Variants in PLEKHG4B observed in about 807,000 individuals in gnomAD.
PLEKHG4B encodes pleckstrin homology domain-containing family G member 4B.
A neutral mutation model predicts 121.3 loss-of-function variants in PLEKHG4B; 111 were observed. The ratio of observed to expected loss-of-function variants is 0.92; its 90% confidence interval spans 0.78 to 1.07. PLEKHG4B has a LOEUF of 1.07. Among genes scored for constraint, PLEKHG4B ranks in the 50% least tolerant of loss-of-function variants. The pLI is 0.00. For missense variants in PLEKHG4B, 1,831 were observed against 1,757.8 expected (o/e 1.04, Z -0.74); for synonymous variants, 738 against 725.0 (o/e 1.02, Z -0.29).
At chr5:143,319 C>G in intron 4 of PLEKHG4B, 61 bp from the exon 5 acceptor site, 1 of 1,607,316 alleles carries the variant, frequency 6.2e-7, no homozygotes, top group African/African-American at 1.3e-5. Context: ...ACAGCACAGA[C>G]CCAGCTCACC....
In PLEKHG4B at chr5:99,201, TATATATATATA is replaced by T. The variant is rs1388119611; in HGVS notation, c.45+6926_45+6936del. Among the ~76,000 whole-genome samples the T allele has an allele frequency of 7.5e-5, 10 of 132,622 alleles. 1 individual carries two copies. Among genetic ancestry groups the T allele is most frequent in the African/African-American group, 3.0e-4 (10 of 32,896 alleles). 87.0% of individuals were successfully genotyped at this position (132,622 alleles called of 152,430 possible). A position where few individuals can be genotyped will look rare whatever the true frequency, so the allele number is the denominator to read the frequency against. Reference sequence around the variant, plus strand: ...ATATATATATATATATATATATATATATATATATATATTTTGCGATTTTGGGGCCCTTGCAA... The same window carrying T: ...ATATATATATATATATATATATATATTTTTGCGATTTTGGGGCCCTTGCAA... On this transcript the variant is annotated intron_variant, in intron 1 of 19. Transcript: ENST00000637938.
chr5:182,192 A>C lies in PLEKHG4B; in HGVS notation c.4753A>C (p.Ser1585Arg). The change falls in exon 20 of 20, where the codon AGC (serine) becomes CGC (arginine). Residue 1585 changes from serine to arginine, a missense_variant. By Grantham distance (110) the Ser-to-Arg change is moderately radical. Transcript: ENST00000637938. ...CCCGGGCCTATGGAGCCCTGCCCAC[A>C]GCCCCTGGTCATCTGATATCAGAGC... Reference protein sequence around the residue: ...AHPGLWSPAHSPWSSDIRACV... With the variant: ...AHPGLWSPAHRPWSSDIRACV... 6.2e-6 allele frequency: 10 copies of C among 1,613,958 alleles called. No homozygotes were observed. The highest frequency in any genetic ancestry group is 8.5e-6 in the Non-Finnish European group (10 of 1,180,040).
At position 184,801 on chromosome 5, in the gene PLEKHG4B, CACTTG is replaced by C. The variant is rs59150966; in HGVS notation, c.*2485_*2489del. Reference sequence around the variant, plus strand: ...CTTTGGGAGGCTGAGGCCAGAGGATCACTTGACTTGAGCCCAGGAACTGGGGGGTC... The same window carrying C: ...CTTTGGGAGGCTGAGGCCAGAGGATCACTTGAGCCCAGGAACTGGGGGGTC... On this transcript the variant is annotated 3_prime_UTR_variant, in exon 20 of 20. Transcript: ENST00000637938. 0.69 allele frequency: 104,014 copies of C among 151,420 alleles called. 36,436 individuals carry two copies. Among genetic ancestry groups the C allele is most frequent in the African/African-American group, 0.74 (30,517 of 41,238 alleles). The allele number at this position is 151,420 out of a possible 1,614,324, so 9.4% of individuals were successfully genotyped here.
Position 156,917 on chromosome 5 carries a change from A to C in PLEKHG4B, c.2487+6A>C, listed in dbSNP as rs755147263. On this transcript the variant is annotated splice_donor_region_variant and intron_variant, in intron 11 of 19. Coordinates refer to ENST00000637938, the MANE Select transcript of PLEKHG4B (RefSeq NM_052909.5). The surrounding 1 kb of genome is among the most constrained non-coding windows in gnomAD (Gnocchi z 4.4). ...TCCTGGAAGGGAATGACCAGGTCAGAGCTGCAGGAGGAAGGCGGCCCGGTC... is the reference window on the plus strand; with the variant it reads ...TCCTGGAAGGGAATGACCAGGTCAGCGCTGCAGGAGGAAGGCGGCCCGGTC... 1.2e-6 allele frequency: 2 copies of C among 1,611,432 alleles called. No homozygotes were observed. The highest frequency in any genetic ancestry group is 1.7e-6 in the Non-Finnish European group (2 of 1,179,370).
At chr5:160,725 T>C (rs568360692) in intron 11 of PLEKHG4B, among the ~76,000 whole-genome samples, 1 of 152,304 alleles carries the variant, frequency 6.6e-6, no homozygotes, top group East Asian at 1.9e-4. Flanking sequence ...TATTTCATCA[T>C]AGAACCTTTA....
At chr5:126,830 A>T (rs931828848) in intron 2 of PLEKHG4B, among the ~76,000 whole-genome samples, 3 of 152,174 alleles carry the variant, frequency 2.0e-5, no homozygotes, top group African/African-American at 7.2e-5. Flanking sequence ...TACTCTCAAG[A>T]CAGAGAGGGG....
At position 140,220 on chromosome 5, in the gene PLEKHG4B, C is replaced by T; in HGVS notation, c.981C>T (p.His327=). The change falls in exon 3 of 20, where the codon CAC becomes CAT. Residue 327 remains histidine (H), a synonymous_variant. Transcript: ENST00000637938. ...ACAGACCCAAGGCCCTCACCTTCCA[C>T]ACAGACCTGGGCATCCCGAGCAGCA... ...QEDRPKALTF[H]TDLGIPSSRR... is the part of the protein sequence containing the mutation. 1.4e-6 allele frequency: 2 copies of T among 1,381,796 alleles called. No homozygotes were observed. Among genetic ancestry groups the T allele is most frequent in the African/African-American group, 1.5e-5 (1 of 68,170 alleles). The allele number at this position is 1,381,796 out of a possible 1,614,324, so 85.6% of individuals were successfully genotyped here. A position where few individuals can be genotyped will look rare whatever the true frequency, so the allele number is the denominator to read the frequency against.
At chr5:166,503 T>TCTGACGGGGCGGGGCTCACACTAATGC (rs1736351797) in intron 13 of PLEKHG4B, among the ~76,000 whole-genome samples, 2 of 19,814 alleles carry the variant, frequency 1.0e-4, no homozygotes, top group Non-Finnish European at 2.3e-4. Flanking sequence ...CACAGTAATC[T>TCTGACGGGGCGGGGCTCACACTAATGC]TCTGACGGGG....
In PLEKHG4B at chr5:164,667, C is replaced by CAG. The variant is rs1479261409; in HGVS notation, c.3476+1119_3476+1120insAG. On this transcript the variant is annotated intron_variant, in intron 13 of 19. Coordinates refer to ENST00000637938, the MANE Select transcript of PLEKHG4B (RefSeq NM_052909.5). ...AATGCTCTGACGGGCGGAGCTCACA[C>CAG]TAATACTCTGACAGGGGGCGGAGCT... Among the ~76,000 whole-genome samples, 17 of 111,122 alleles carry CAG rather than the reference C, an allele frequency of 1.5e-4. 5 individuals carry two copies. The highest frequency in any genetic ancestry group is 2.7e-4 in the Admixed American group (3 of 10,936). 72.9% of individuals were successfully genotyped at this position (111,122 alleles called of 152,430 possible).
intron 1 of PLEKHG4B, among the ~76,000 whole-genome samples, chr5:98,068 T>A (rs1212183170): frequency 6.6e-6 from 1 of 152,138 alleles, no homozygotes; most frequent in African/African-American, 2.4e-5. Context: ...TATTATTCAG[T>A]TTATCTATAT....
intron 13 of PLEKHG4B, among the ~76,000 whole-genome samples, chr5:165,321 G>C (rs1418392013): frequency 1.0e-4 from 2 of 19,158 alleles, no homozygotes; most frequent in East Asian, 8.4e-4. Flanking sequence ...GGGGCTCACA[G>C]TAATCCTCTG....
At chr5:110,322 CCACA>C (rs1328944744) in intron 1 of PLEKHG4B, among the ~76,000 whole-genome samples, 1 of 145,782 alleles carries the variant, frequency 6.9e-6, no homozygotes, top group African/African-American at 2.6e-5. Flanking sequence ...GTGCACGCAC[CCACA>C]CAGTCTGCAA....
At position 163,504 on chromosome 5, in the gene PLEKHG4B, G is replaced by T; in HGVS notation, c.3432G>T (p.Ser1144=). ...VTQSRSLSSP[S]GLHPAEEDGR... is the part of the protein sequence containing the mutation. ...AGAGCCGGAGTCTGTCCTCCCCCTC[G>T]GGGCTCCACCCTGCTGAGGAGGATG... is the stretch of plus-strand genomic sequence containing the variant. Residue 1144 remains serine, a synonymous_variant, in exon 13 of 20, where the codon TCG becomes TCT. Coordinates refer to ENST00000637938, the MANE Select transcript of PLEKHG4B (RefSeq NM_052909.5). 1 of 1,611,616 alleles carries T rather than the reference G, an allele frequency of 6.2e-7. No homozygotes were observed. The highest frequency in any genetic ancestry group is 8.5e-7 in the Non-Finnish European group (1 of 1,179,528).
At chr5:106,539 G>C (rs1053902090) in intron 1 of PLEKHG4B, among the ~76,000 whole-genome samples, 1 of 152,116 alleles carries the variant, frequency 6.6e-6, no homozygotes, top group Non-Finnish European at 1.5e-5. Context: ...CCGATTTAAC[G>C]AACATGTAGA....
intron 2 of PLEKHG4B, among the ~76,000 whole-genome samples, chr5:126,950 T>C (rs1428799572): frequency 6.6e-6 from 1 of 152,212 alleles, no homozygotes; most frequent in African/African-American, 2.4e-5. Flanking sequence ...GGACCAGGTG[T>C]GACATTTACA....
chr5:144,684 G>C (rs1303345961), intron 5 of PLEKHG4B, 143 bp from the exon 6 acceptor site: 3 of 654,938 alleles, frequency 4.6e-6, no homozygotes, highest in Non-Finnish European at 7.8e-6. Flanking sequence ...CCTTCGGGAA[G>C]TGGAAGGTTG....
chr5:135,310 A>G (rs1417525009), intron 2 of PLEKHG4B, among the ~76,000 whole-genome samples: 2 of 152,090 alleles, frequency 1.3e-5, no homozygotes, highest in Non-Finnish European at 2.9e-5. Context: ...CATTGCTGAA[A>G]GAAATTAAAG....
At chr5:125,811 T>C (rs1448422046) in intron 2 of PLEKHG4B, among the ~76,000 whole-genome samples, 2 of 152,214 alleles carry the variant, frequency 1.3e-5, no homozygotes, top group Non-Finnish European at 2.9e-5. Flanking sequence ...TCCCCCCAGC[T>C]TTTGTTTATC....
chr5:122,939 CAATT>C (rs1191521295), intron 2 of PLEKHG4B, among the ~76,000 whole-genome samples: 1 of 152,240 alleles, frequency 6.6e-6, no homozygotes, highest in African/African-American at 2.4e-5. Flanking sequence ...TAAAACCAAA[CAATT>C]GTCAGCAGTA....
Sources: allele counts gnomAD v4.1 joint callset (sites outside exome capture counted in the v4.1 genomes callset), GRCh38; gene constraint gnomAD v4.1.1; non-coding constraint Gnocchi (gnomAD v3.1); transcripts MANE v1.5; gene names NCBI Gene and HGNC (gene_info 2026-07-23, HGNC 2026-07-21).